Variants in SLC44A4 observed in about 807,000 individuals in gnomAD.
SLC44A4 encodes solute carrier family 44 member 4, also known as choline transporter-like protein 4.
A neutral mutation model predicts 97.0 loss-of-function variants in SLC44A4; 74 were observed. That is an observed-to-expected ratio of 0.76 (90% confidence interval 0.63 to 0.93). The LOEUF is 0.93. SLC44A4 is among the 40% of genes least tolerant of loss of function. The pLI is 0.00. For synonymous variants in SLC44A4, 325 were observed against 363.8 expected (o/e 0.89, Z 1.21); for missense variants, 799 against 902.9 (o/e 0.88, Z 1.48).
intron 7 of SLC44A4, among the ~76,000 whole-genome samples, chr6:31,872,700 C>A (rs501942): frequency 6.6e-6 from 1 of 152,062 alleles, no homozygotes; most frequent in African/African-American, 2.4e-5. Context: ...ACCTCACTGT[C>A]ATTTACATTC....
rs762320766 is a variant in SLC44A4, at chr6:31,874,409, A to G, written c.529+51T>C. 1 of 1,594,950 alleles carries G rather than the reference A, an allele frequency of 6.3e-7. No homozygotes were observed. Among genetic ancestry groups the G allele is most frequent in the Non-Finnish European group, 8.6e-7 (1 of 1,163,882 alleles). ...TGGGCCTGATTTCTTCATTCAAGCA[A>G]TGAAAACACTGGACTAGATGACGTC... is the stretch of plus-strand genomic sequence containing the variant. On this transcript the variant is annotated intron_variant, in intron 7 of 20. Transcript: ENST00000229729. The surrounding 1 kb of genome is among the most constrained non-coding windows in gnomAD (Gnocchi z 4.8).
At chr6:31,869,511 T>TC in intron 12 of SLC44A4, 34 bp downstream of exon 12, 1 of 1,547,574 alleles carries the variant, frequency 6.5e-7, no homozygotes, top group Non-Finnish European at 8.8e-7. Flanking sequence ...CCCCCAGGAC[T>TC]CCAAGAGTGG....
At position 31,875,909 on chromosome 6, in the gene SLC44A4, C is replaced by A. The variant is rs762855527; in HGVS notation, c.185G>T (p.Arg62Leu). Residue 62 changes from arginine (R) to leucine (L), a missense_variant, in exon 4 of 21, where the codon CGG (arginine) becomes CTG (leucine). This residue lies in a region of SLC44A4 where 409 missense variants were observed against 434.1 expected (regional missense o/e 0.94). Coordinates refer to ENST00000229729, the MANE Select transcript of SLC44A4 (RefSeq NM_025257.3). ...GIVAWLYGDP[R>L]QVLYPRNSTG... ...AGAGTTCCTGGGGTAGAGGACTTGC[C>A]GGGGGTCTCCATACAACCAGGCTGC... 6.2e-7 allele frequency: 1 copy of A among 1,613,516 alleles called. No individual in the cohort carries two copies.
chr6:31,867,116 G>A (rs1166948674), intron 13 of SLC44A4, among the ~76,000 whole-genome samples: 1 of 151,950 alleles, frequency 6.6e-6, no homozygotes, highest in Admixed American at 6.6e-5. Flanking sequence ...GTCTCGCTCT[G>A]TTGCCCAGGC....
intron 4 of SLC44A4, 68 bp from the exon 5 acceptor site, chr6:31,875,096 G>A: frequency 4.6e-6 from 6 of 1,295,052 alleles, no homozygotes; most frequent in Non-Finnish European, 6.6e-6. Flanking sequence ...GGGACCACTA[G>A]GGTGGCTTCT....
chr6:31,875,566 G>GT (rs2151570224), intron 4 of SLC44A4, among the ~76,000 whole-genome samples: 1 of 152,314 alleles, frequency 6.6e-6, no homozygotes, highest in African/African-American at 2.4e-5. Flanking sequence ...CCAAAACTTG[G>GT]TCCAGTTGGG....
In SLC44A4 at chr6:31,865,017, T is replaced by G. The variant is rs1225313051; in HGVS notation, c.1824A>C (p.Gly608=). ...LLFFGKLLVV[G]GVGVLSFFFF... ...CAGCTTCTGGTCCCTTACCCACGCC[T>G]CCGACCACCAGCAGCTTCCCAAAGA... The change falls in exon 18 of 21, where the codon GGA becomes GGC. Residue 608 remains glycine (G), a synonymous_variant. Transcript: ENST00000229729. This position sits in a 1 kb window ranked among gnomAD's most constrained non-coding sequence, Gnocchi z 5.2. 1 of 1,613,826 alleles carries G rather than the reference T, an allele frequency of 6.2e-7. No individual in the cohort carries two copies. Among genetic ancestry groups the G allele is most frequent in the South Asian group, 1.1e-5 (1 of 91,082 alleles).
At chr6:31,864,465 C>T (rs1046008318) in intron 20 of SLC44A4, 187 bp downstream of exon 20, 4 of 615,390 alleles carry the variant, frequency 6.5e-6, no homozygotes, top group Non-Finnish European at 1.1e-5. Context: ...GCCTACCGGC[C>T]TGGGGGCTCA....
At chr6:31,867,458 A>C (rs1762925577) in intron 13 of SLC44A4, among the ~76,000 whole-genome samples, 1 of 152,086 alleles carries the variant, frequency 6.6e-6, no homozygotes, top group Admixed American at 6.6e-5. Context: ...TACCCAGCAC[A>C]GTTGCTCATG....
In SLC44A4 at chr6:31,878,713, C is replaced by A. The variant is rs1206725947; in HGVS notation, c.40+228G>T. The stretch of plus-strand genomic sequence containing the variant: ...CCTCAGCCCCAACTCTTCAGAGGCA[C>A]CCAGCTTCACTCCCCATGGGCTCCC... On this transcript the variant is annotated intron_variant, in intron 1 of 20. Coordinates refer to ENST00000229729, the MANE Select transcript of SLC44A4 (RefSeq NM_025257.3). This position sits in a 1 kb window ranked among gnomAD's most constrained non-coding sequence, Gnocchi z 4.0. Among the ~76,000 whole-genome samples, 1 of 152,114 alleles carries A rather than the reference C, an allele frequency of 6.6e-6. No homozygotes were observed. The highest frequency in any genetic ancestry group is 1.5e-5 in the Non-Finnish European group (1 of 68,004).
chr6:31,865,652 T>C lies in SLC44A4; in HGVS notation c.1582+38A>G. The stretch of plus-strand genomic sequence containing the variant: ...GGTCACTGCCCCTCCCTAATGGCCT[T>C]CCCCAGCTCCTGACTCCTACTCCGA... On this transcript the variant is annotated intron_variant, in intron 15 of 20. Transcript: ENST00000229729. The surrounding 1 kb of genome is among the most constrained non-coding windows in gnomAD (Gnocchi z 5.2). The C allele has an allele frequency of 6.2e-7, 1 of 1,612,280 alleles. No homozygotes were observed. The highest frequency in any genetic ancestry group is 8.5e-7 in the Non-Finnish European group (1 of 1,179,312).
At position 31,876,909 on chromosome 6, in the gene SLC44A4, C is replaced by A. The variant is rs1330983593; in HGVS notation, c.89+125G>T. The A allele has an allele frequency of 1.9e-6, 2 of 1,031,104 alleles. No homozygotes were observed. Among genetic ancestry groups the A allele is most frequent in the Non-Finnish European group, 2.8e-6 (2 of 707,416 alleles). The allele number at this position is 1,031,104 out of a possible 1,614,324, so 63.9% of individuals were successfully genotyped here. On this transcript the variant is annotated intron_variant, in intron 2 of 20. Transcript: ENST00000229729. This position sits in a 1 kb window ranked among gnomAD's most constrained non-coding sequence, Gnocchi z 4.8. ...ACAATCCCCCCAGGGCACCACCCAT[C>A]TGGGGCAGGAGTTTCTCTTTTTCAC...
intron 13 of SLC44A4, among the ~76,000 whole-genome samples, chr6:31,867,046 C>T (rs1762906764): frequency 6.6e-6 from 1 of 152,024 alleles, no homozygotes; most frequent in East Asian, 1.9e-4. Flanking sequence ...TAAAAAGTCA[C>T]AAATTAAAAA....
chr6:31,864,951 C>T (rs1260342088), intron 18 of SLC44A4, 41 bp from the exon 19 acceptor site: 3 of 1,613,154 alleles, frequency 1.9e-6, no homozygotes, highest in African/African-American at 1.3e-5. Flanking sequence ...ACCTCTGAGG[C>T]CACCTCTTCA....
chr6:31,864,261 A>G (rs515688), intron 20 of SLC44A4, among the ~76,000 whole-genome samples: 12,040 of 152,064 alleles, frequency 0.079, 586 homozygotes, highest in Non-Finnish European at 0.11. Flanking sequence ...TTTTTAGTAG[A>G]GAGGGGTTTC....
rs745410855 is a variant in SLC44A4, at chr6:31,865,783, A to G, written c.1489T>C (p.Tyr497His). ...LISAFIRTLRYHTGSLAFGAL... is the reference protein window; with the variant it reads ...LISAFIRTLRHHTGSLAFGAL... ...CCAAATGCCAATGACCCAGTGTGGT[A>G]ACTGCAGAGGGTGTTATGCAGTCAG... The change falls in exon 15 of 21, where the codon TAC becomes CAC. Residue 497 changes from tyrosine to histidine, a missense_variant and splice_region_variant. Physicochemically the swap from Tyr to His is moderately conservative, Grantham distance 83. Transcript: ENST00000229729. The surrounding 1 kb of genome is among the most constrained non-coding windows in gnomAD (Gnocchi z 5.2). 8 of 1,613,748 alleles carry G rather than the reference A, an allele frequency of 5.0e-6. No individual in the cohort carries two copies. Among genetic ancestry groups the G allele is most frequent in the Non-Finnish European group, 5.9e-6 (7 of 1,179,942 alleles).
rs1000319314 is a variant in SLC44A4, at chr6:31,874,495, T to G, written c.494A>C (p.Glu165Ala). Reference sequence around the variant, plus strand: ...GGGGAGGAGGAAACTGGGGCAGAGTTCCTGTTGCAGGCTTGTGATCACCGT... The same window carrying G: ...GGGGAGGAGGAAACTGGGGCAGAGTGCCTGTTGCAGGCTTGTGATCACCGT... ...NMTVITSLQQ[E>A]LCPSFLLPSA... The change falls in exon 7 of 21, where the codon GAA (glutamate) becomes GCA (alanine). Residue 165 changes from glutamate (E) to alanine (A), a missense_variant. Physicochemically the swap from Glu to Ala is moderately radical, Grantham distance 107. Around this residue, in one of 3 missense-constraint regions of SLC44A4, gnomAD observed 409 missense variants for 434.1 expected, o/e 0.94. Coordinates refer to ENST00000229729, the MANE Select transcript of SLC44A4 (RefSeq NM_025257.3). This position sits in a 1 kb window ranked among gnomAD's most constrained non-coding sequence, Gnocchi z 4.8. 5.0e-6 allele frequency: 8 copies of G among 1,613,016 alleles called. No homozygotes were observed. Among genetic ancestry groups the G allele is most frequent in the Non-Finnish European group, 5.9e-6 (7 of 1,180,008 alleles).
chr6:31,864,527 C>T (rs1245908911), intron 20 of SLC44A4, 125 bp downstream of exon 20: 17 of 882,504 alleles, frequency 1.9e-5, no homozygotes, highest in Non-Finnish European at 2.9e-5. Flanking sequence ...CAAGAAGCTC[C>T]CTCTGGTTCG....
Position 31,877,611 on chromosome 6 carries a change from C to A in SLC44A4, c.41-529G>T, listed in dbSNP as rs1243551698. 1 of 987,538 alleles carries A rather than the reference C, an allele frequency of 1.0e-6. No individual in the cohort carries two copies. Among genetic ancestry groups the A allele is most frequent in the South Asian group, 4.7e-5 (1 of 21,404 alleles). The allele number at this position is 987,538 out of a possible 1,614,324, so 61.2% of individuals were successfully genotyped here. A position where few individuals can be genotyped will look rare whatever the true frequency, so the allele number is the denominator to read the frequency against. On this transcript the variant is annotated intron_variant, in intron 1 of 20. Coordinates refer to ENST00000229729, the MANE Select transcript of SLC44A4 (RefSeq NM_025257.3). The surrounding 1 kb of genome is among the most constrained non-coding windows in gnomAD (Gnocchi z 6.5). ...AAGAAACTGGAGACAAAGGTGTCAACCCCAGCAGGGCCTGGGGAGGGAAGC... is the reference window on the plus strand; with the variant it reads ...AAGAAACTGGAGACAAAGGTGTCAAACCCAGCAGGGCCTGGGGAGGGAAGC...
Sources: allele counts gnomAD v4.1 joint callset (sites outside exome capture counted in the v4.1 genomes callset), GRCh38; gene constraint gnomAD v4.1.1; regional missense constraint gnomAD v4.1.1; non-coding constraint Gnocchi (gnomAD v3.1); transcripts MANE v1.5; gene names NCBI Gene and HGNC (gene_info 2026-07-23, HGNC 2026-07-21).